Variants in ZNF609 observed in about 807,000 individuals in gnomAD.
ZNF609 encodes zinc finger protein 609.
ZNF609 carries 11 observed loss-of-function variants against 109.5 expected under a neutral mutation model. The ratio of observed to expected loss-of-function variants is 0.10; its 90% CI spans 0.06 to 0.17. The LOEUF (loss-of-function observed/expected upper bound fraction) is 0.17. Among genes scored for constraint, ZNF609 ranks in the 10% least tolerant of loss-of-function variants. ZNF609 has a pLI of 1.00. For missense variants in ZNF609, 1,559 were observed against 1,772.4 expected, an observed-to-expected ratio of 0.88 and a Z score of 2.16; for synonymous variants, 646 against 662.0, an observed-to-expected ratio of 0.98 and a Z score of 0.37.
At chr15:64,556,933 T>C (rs1894597937) in intron 2 of ZNF609, among the ~76,000 whole-genome samples, 1 of 152,170 alleles carries the variant, frequency 6.6e-6, no homozygotes, top group African/African-American at 2.4e-5. Context: ...AATGAACTTT[T>C]CAACATTAAA....
At chr15:64,630,054 C>G (rs1458528068) in intron 3 of ZNF609, among the ~76,000 whole-genome samples, 1 of 150,398 alleles carries the variant, frequency 6.6e-6, no homozygotes, top group African/African-American at 2.5e-5. Flanking sequence ...TTCTCTGTTT[C>G]TCTTCATTAC....
rs1467821575 is a variant in ZNF609 at position 64,674,064 on chromosome 15, G to A, written c.1210G>A (p.Gly404Arg). The A allele has an allele frequency of 6.2e-7, 1 of 1,614,186 alleles. No individual in the cohort carries two copies. The highest frequency in any genetic ancestry group is 8.5e-7 in the Non-Finnish European group (1 of 1,180,032). Residue 404 changes from glycine (G) to arginine (R), a missense_variant, in exon 5 of 10, where the codon GGA becomes AGA. Coordinates refer to ENST00000326648, the MANE Select transcript of ZNF609 (RefSeq NM_015042.2). ...GTSNSSKTRA[G>R]ANSKGRRGSQ... ...CAGTAACAGCAGCAAAACCCGGGCA[G>A]GAGCCAATAGCAAAGGCCGTCGGGG... is the stretch of plus-strand genomic sequence containing the variant.
Position 64,685,055 on chromosome 15 carries a change from G to T in ZNF609, c.*3369G>T, listed in dbSNP as rs535814558. 6.5e-6 allele frequency: 1 copy of T among 152,724 alleles called. No individual in the cohort carries two copies. Among genetic ancestry groups the T allele is most frequent in the African/African-American group, 2.4e-5 (1 of 41,544 alleles). 9.5% of individuals were successfully genotyped at this position (152,724 alleles called of 1,614,324 possible). A position where few individuals can be genotyped will look rare whatever the true frequency, so the allele number is the denominator to read the frequency against. On this transcript the variant is annotated 3_prime_UTR_variant, in exon 10 of 10. Transcript: ENST00000326648. Reference sequence around the variant, plus strand: ...GCTGGAGGCCCGGGCTGGAGGGGCAGTGTTGCTGTTCATAGATTTTGTTCC... The same window carrying T: ...GCTGGAGGCCCGGGCTGGAGGGGCATTGTTGCTGTTCATAGATTTTGTTCC...
chr15:64,642,914 A>T (rs1280926134), intron 3 of ZNF609, among the ~76,000 whole-genome samples: 1 of 152,230 alleles, frequency 6.6e-6, no homozygotes, highest in Non-Finnish European at 1.5e-5. Context: ...ACGTAACCAC[A>T]CATGGTCTAA....
intron 1 of ZNF609, chr15:64,470,432 T>C (rs1201643506): frequency 6.6e-6 from 1 of 152,166 alleles, no homozygotes; most frequent in Non-Finnish European, 1.5e-5. Context: ...TGAAATACCC[T>C]CCTAAAAGAG....
chr15:64,502,281 A>G (rs924491447), intron 2 of ZNF609: 15 of 152,058 alleles, frequency 9.9e-5, no homozygotes, highest in Non-Finnish European at 5.9e-5. Context: ...TTTCCATATT[A>G]CCTTTGGCTA....
chr15:64,509,083 C>T (rs1386033991), intron 2 of ZNF609, among the ~76,000 whole-genome samples: 1 of 152,144 alleles, frequency 6.6e-6, no homozygotes, highest in Non-Finnish European at 1.5e-5. Context: ...GAGCACCCTT[C>T]CCTCTTAATA....
intron 8 of ZNF609, 86 bp from the exon 9 acceptor site, chr15:64,681,223 T>TTTTTTTTTTA: frequency 8.0e-7 from 1 of 1,248,810 alleles, no homozygotes; most frequent in Non-Finnish European, 1.1e-6. Context: ...AGATTTTTTT[T>TTTTTTTTTTA]TCTGTCAGCA....
intron 3 of ZNF609, among the ~76,000 whole-genome samples, chr15:64,656,742 G>A (rs372347728): frequency 5.7e-4 from 75 of 132,268 alleles, no homozygotes; most frequent in African/African-American, 1.9e-3. Flanking sequence ...TTTTTCCTCC[G>A]TCCCTCCTCC....
At chr15:64,644,013 A>C (rs1896297207) in intron 3 of ZNF609, among the ~76,000 whole-genome samples, 1 of 152,074 alleles carries the variant, frequency 6.6e-6, no homozygotes, top group Admixed American at 6.6e-5. Context: ...CTGAGGTGGG[A>C]GGATCACTTG....
At chr15:64,647,749 A>G (rs975996937) in intron 3 of ZNF609, among the ~76,000 whole-genome samples, 1 of 152,210 alleles carries the variant, frequency 6.6e-6, no homozygotes, top group South Asian at 2.1e-4. Context: ...GCTCTTCAAG[A>G]GCTGAGCTTC....
At chr15:64,524,974 A>G (rs1052607328) in intron 2 of ZNF609, among the ~76,000 whole-genome samples, 10 of 152,148 alleles carry the variant, frequency 6.6e-5, no homozygotes, top group Admixed American at 6.5e-4. Context: ...CACACTTTCA[A>G]CAATACTTGT....
intron 2 of ZNF609, among the ~76,000 whole-genome samples, chr15:64,548,034 CAA>C (rs1894397247): frequency 6.6e-6 from 1 of 152,134 alleles, no homozygotes; most frequent in African/African-American, 2.4e-5. Context: ...AGGATTATCT[CAA>C]GTTTACATAT....
At chr15:64,563,358 G>A (rs1337077323) in intron 2 of ZNF609, among the ~76,000 whole-genome samples, 2 of 151,238 alleles carry the variant, frequency 1.3e-5, no homozygotes, top group African/African-American at 4.9e-5. Flanking sequence ...GGCTGAGGTG[G>A]GAGGATTGAT....
chr15:64,680,603 G>A (rs775631399), intron 7 of ZNF609, 43 bp from the exon 8 acceptor site: 4 of 1,483,398 alleles, frequency 2.7e-6, no homozygotes, highest in Admixed American at 3.7e-5. Flanking sequence ...GTATGCATAT[G>A]TGTCTCACTA....
intron 2 of ZNF609, among the ~76,000 whole-genome samples, chr15:64,581,043 G>A (rs1216845013): frequency 1.4e-5 from 2 of 140,224 alleles, no homozygotes; most frequent in African/African-American, 5.4e-5. Flanking sequence ...AGAGACGGGG[G>A]TCTCACCATA....
At position 64,678,392 on chromosome 15, in the gene ZNF609, T is replaced by C; in HGVS notation, c.3679T>C (p.Tyr1227His). The change falls in exon 6 of 10, where the codon TAC becomes CAC. Residue 1227 changes from tyrosine (Y) to histidine (H), a missense_variant. Around this residue, in one of 4 missense-constraint regions of ZNF609, gnomAD observed 1,204 missense variants for 1,314.1 expected, o/e 0.92. Transcript: ENST00000326648. ...TACCCAGCACCAGTCCTACATCCCCTACATGCACGGCTATTCCTACAGTCA... is the reference window on the plus strand; with the variant it reads ...TACCCAGCACCAGTCCTACATCCCCCACATGCACGGCTATTCCTACAGTCA... ...PLTQHQSYIP[Y>H]MHGYSYSQSY... 1 of 1,613,894 alleles carries C rather than the reference T, an allele frequency of 6.2e-7. No individual in the cohort carries two copies. The highest frequency in any genetic ancestry group is 8.5e-7 in the Non-Finnish European group (1 of 1,179,888).
At chr15:64,503,524 GAATTTACA>G in intron 2 of ZNF609, among the ~76,000 whole-genome samples, 1 of 152,154 alleles carries the variant, frequency 6.6e-6, no homozygotes, top group East Asian at 1.9e-4. Context: ...AAGAAAAAAG[GAATTTACA>G]AACCACAGAT....
Position 64,678,278 on chromosome 15 carries a change from A to G in ZNF609, c.3565A>G (p.Ser1189Gly). 6.2e-7 allele frequency: 1 copy of G among 1,614,190 alleles called. No individual in the cohort carries two copies. The highest frequency in any genetic ancestry group is 8.5e-7 in the Non-Finnish European group (1 of 1,180,032). Residue 1189 changes from serine (S) to glycine (G), a missense_variant, in exon 6 of 10, where the codon AGT becomes GGT. Physicochemically the swap from Ser to Gly is moderately conservative, Grantham distance 56. Coordinates refer to ENST00000326648, the MANE Select transcript of ZNF609 (RefSeq NM_015042.2). ...PKEDGKESTS[S>G]DCKLPTSEES... ...GGAAGATGGGAAGGAAAGCACAAGTAGTGACTGCAAGCTGCCCACGTCAGA... is the reference window on the plus strand; with the variant it reads ...GGAAGATGGGAAGGAAAGCACAAGTGGTGACTGCAAGCTGCCCACGTCAGA...
Sources: gnomAD v4.1 joint callset for allele counts (sites outside exome capture counted in the v4.1 genomes callset) on GRCh38, gnomAD v4.1.1 for gene constraint, gnomAD v4.1.1 regional missense constraint, MANE v1.5 for transcripts, NCBI Gene and HGNC (gene_info 2026-07-23, HGNC 2026-07-21) for gene names.